PLCXD3: variants seen among roughly 807,000 people sequenced by gnomAD.
The protein encoded by PLCXD3 is phosphatidylinositol specific phospholipase C X domain containing 3, also known as PI-PLC X domain-containing protein 3.
In PLCXD3, 19 loss-of-function variants were observed where a neutral mutation model predicts 25.5. The observed-to-expected ratio is 0.75, with a 90% CI of 0.52 to 1.09. The LOEUF is 1.09. PLCXD3 is among the 50% of genes least tolerant of loss of function. PLCXD3 has a pLI of 0.00. For missense variants in PLCXD3, 411 were observed against 388.1 expected (o/e 1.06, Z -0.50); for synonymous variants, 174 against 137.6 (o/e 1.26, Z -1.85).
At chr5:41,377,755 T>C (rs559053115) in intron 2 of PLCXD3, among the ~76,000 whole-genome samples, 1 of 152,200 alleles carries the variant, frequency 6.6e-6, no homozygotes, top group East Asian at 1.9e-4. Context: ...CAAACGCTGT[T>C]TTCTAAATGC....
At chr5:41,424,208 A>G (rs1229425244) in intron 1 of PLCXD3, among the ~76,000 whole-genome samples, 2 of 152,158 alleles carry the variant, frequency 1.3e-5, no homozygotes, top group Non-Finnish European at 1.5e-5. Flanking sequence ...TGATTATATT[A>G]TTACTTTATA....
At chr5:41,404,954 C>T (rs368059211) in intron 1 of PLCXD3, among the ~76,000 whole-genome samples, 5 of 152,272 alleles carry the variant, frequency 3.3e-5, no homozygotes, top group African/African-American at 9.6e-5. Flanking sequence ...AACTGCTTCT[C>T]TCCTTGTTTT....
intron 2 of PLCXD3, among the ~76,000 whole-genome samples, chr5:41,323,404 G>A (rs1281872115): frequency 6.6e-6 from 1 of 152,156 alleles, no homozygotes; most frequent in Non-Finnish European, 1.5e-5. Context: ...AATGCTTGAG[G>A]GAAGGGATAC....
intron 1 of PLCXD3, among the ~76,000 whole-genome samples, chr5:41,463,391 T>C (rs1312612385): frequency 2.0e-5 from 3 of 151,982 alleles, no homozygotes; most frequent in South Asian, 2.1e-4. Context: ...GGGGTCTCTA[T>C]TATAAGAACA....
chr5:41,397,240 C>A (rs1470187670), intron 1 of PLCXD3, among the ~76,000 whole-genome samples: 1 of 152,092 alleles, frequency 6.6e-6, no homozygotes, highest in Non-Finnish European at 1.5e-5. Flanking sequence ...CTGGGCCAGG[C>A]ACAGGGCCTT....
chr5:41,356,713 T>A (rs1328201810), intron 2 of PLCXD3, among the ~76,000 whole-genome samples: 1 of 152,320 alleles, frequency 6.6e-6, no homozygotes, highest in East Asian at 1.9e-4. Context: ...AAACACATGC[T>A]ATGAGCTCTT....
At chr5:41,465,376 T>TTTTTTTTTTTTTTTTTTTC (rs1747993627) in intron 1 of PLCXD3, among the ~76,000 whole-genome samples, 1 of 142,832 alleles carries the variant, frequency 7.0e-6, no homozygotes, top group South Asian at 2.2e-4. Flanking sequence ...TTTTTTTTTT[T>TTTTTTTTTTTTTTTTTTTC]TTTTTTTTTT....
chr5:41,455,938 T>C (rs914963838), intron 1 of PLCXD3, among the ~76,000 whole-genome samples: 1 of 151,926 alleles, frequency 6.6e-6, no homozygotes, highest in South Asian at 2.1e-4. Flanking sequence ...TTAAAAACAA[T>C]GCATGTAAGA....
intron 1 of PLCXD3, among the ~76,000 whole-genome samples, chr5:41,480,820 C>T (rs1748393212): frequency 6.6e-6 from 1 of 151,944 alleles, no homozygotes; most frequent in Non-Finnish European, 1.5e-5. Context: ...ACTCAGGAGG[C>T]TGAGGCTTGA....
At chr5:41,440,642 T>C (rs1409375998) in intron 1 of PLCXD3, among the ~76,000 whole-genome samples, 1 of 152,156 alleles carries the variant, frequency 6.6e-6, no homozygotes, top group Non-Finnish European at 1.5e-5. Flanking sequence ...TATATGTACA[T>C]AGAGGAGTGT....
At chr5:41,323,028 C>A (rs1743521610) in intron 2 of PLCXD3, among the ~76,000 whole-genome samples, 1 of 151,052 alleles carries the variant, frequency 6.6e-6, no homozygotes, top group African/African-American at 2.4e-5. Flanking sequence ...CAATGGAGTA[C>A]TATACAGCCA....
Position 41,424,471 on chromosome 5 carries a change from C to T in PLCXD3, c.104-41937G>A, listed in dbSNP as rs567860856. On this transcript the variant is annotated intron_variant, in intron 1 of 2. Coordinates refer to ENST00000377801, the MANE Select transcript of PLCXD3 (RefSeq NM_001005473.3). Reference sequence around the variant, plus strand: ...AGGAGAATTGCTTGAACCTGGGAGGCGGAGGTTGTGGTGAGCCAAGATCGT... The same window carrying T: ...AGGAGAATTGCTTGAACCTGGGAGGTGGAGGTTGTGGTGAGCCAAGATCGT... Among the ~76,000 whole-genome samples, 34 of 152,082 alleles carry T rather than the reference C, an allele frequency of 2.2e-4. No individual in the cohort carries two copies. In the South Asian group the frequency reaches 6.4e-3, roughly 29 times the overall value.
intron 2 of PLCXD3, among the ~76,000 whole-genome samples, chr5:41,375,173 A>AG (rs56307344): frequency 0.67 from 100,642 of 150,806 alleles, 33,724 homozygotes; most frequent in South Asian, 0.75. Context: ...GAGAGAGAGA[A>AG]AGAGAAAGAG....
At chr5:41,355,044 A>G (rs1228776537) in intron 2 of PLCXD3, among the ~76,000 whole-genome samples, 1 of 152,156 alleles carries the variant, frequency 6.6e-6, no homozygotes, top group Admixed American at 6.5e-5. Context: ...CTAAAGAAAA[A>G]TCTTCCATCT....
At chr5:41,508,963 T>C (rs1028138472) in intron 1 of PLCXD3, among the ~76,000 whole-genome samples, 8 of 152,194 alleles carry the variant, frequency 5.3e-5, no homozygotes, top group Non-Finnish European at 1.2e-4. Context: ...TGGAGATTCC[T>C]GGCCGGTAGC....
rs183120308 is a variant in PLCXD3 at position 41,383,506 on chromosome 5, T to G, written c.104-972A>C. Among the ~76,000 whole-genome samples, 60 of 152,234 alleles carry G rather than the reference T, an allele frequency of 3.9e-4. No homozygotes were observed. The East Asian group carries it at 0.011, about 27-fold the overall frequency. ...AGTTATGTCAAGGTTGCATTTTATT[T>G]CTTAAAGCCTCCTTTTATTCTTAGG... On this transcript the variant is annotated intron_variant, in intron 1 of 2. Transcript: ENST00000377801.
chr5:41,357,291 C>CA (rs1561243861), intron 2 of PLCXD3, among the ~76,000 whole-genome samples: 1 of 151,978 alleles, frequency 6.6e-6, no homozygotes, highest in East Asian at 1.9e-4. Context: ...ATATAGCTGT[C>CA]AAAAATACTG....
intron 2 of PLCXD3, among the ~76,000 whole-genome samples, chr5:41,381,310 G>C (rs902719248): frequency 6.6e-6 from 1 of 152,072 alleles, no homozygotes; most frequent in African/African-American, 2.4e-5. Context: ...TTGATCTGTG[G>C]TCCACAAAAA....
chr5:41,359,495 A>G (rs372143821), intron 2 of PLCXD3, among the ~76,000 whole-genome samples: 17 of 152,192 alleles, frequency 1.1e-4, no homozygotes, highest in African/African-American at 3.9e-4. Flanking sequence ...TTTCTAGTCG[A>G]TGTGCATACT....
Sources: gnomAD v4.1 joint callset for allele counts (sites outside exome capture counted in the v4.1 genomes callset) on GRCh38, gnomAD v4.1.1 for gene constraint, MANE v1.5 for transcripts, NCBI Gene and HGNC (gene_info 2026-07-23, HGNC 2026-07-21) for gene names.